The following AACS variants were observed in gnomAD, a reference collection of about 807,000 sequenced individuals.
AACS encodes the protein acetoacetate-CoA ligase.
Under a neutral mutation model 83.1 loss-of-function variants are expected in AACS, and 69 were observed. The ratio of observed to expected loss-of-function variants is 0.83; its 90% confidence interval spans 0.68 to 1.01. AACS has a LOEUF of 1.01. Ranked by LOEUF, AACS falls within the 50% of genes least tolerant of loss-of-function variation. AACS has a pLI of 0.00. For missense variants in AACS, 866 were observed against 882.2 expected (o/e 0.98, Z 0.23); for synonymous variants, 333 against 343.4 (o/e 0.97, Z 0.33).
rs73423537 is a variant in AACS at position 125,113,910 on chromosome 12, C to T, written c.916-567C>T. 0.018 allele frequency among the ~76,000 whole-genome samples: 2,763 copies of T among 152,070 alleles called. 87 individuals carry two copies. The highest frequency in any genetic ancestry group is 0.062 in the African/African-American group (2,574 of 41,436). On this transcript the variant is annotated intron_variant, in intron 8 of 17. Coordinates refer to ENST00000316519, the MANE Select transcript of AACS (RefSeq NM_023928.5). This position sits in a 1 kb window ranked among gnomAD's most constrained non-coding sequence, Gnocchi z 4.8. ...ATAGGGCATAGTGGGTGGGAGGGAG[C>T]GGTTCTGCTTGGGTGTTTTAGCCAG...
chr12:125,114,434 A>G (rs1298485151), intron 8 of AACS, 43 bp from the exon 9 acceptor site: 1 of 1,557,576 alleles, frequency 6.4e-7, no homozygotes, highest in East Asian at 2.3e-5. Flanking sequence ...CTGGTACTGT[A>G]TGCCTAACAG....
At chr12:125,082,425 C>T (rs1956214908) in intron 3 of AACS, among the ~76,000 whole-genome samples, 2 of 150,762 alleles carry the variant, frequency 1.3e-5, no homozygotes, top group African/African-American at 4.9e-5. Flanking sequence ...ATCCTCCCAT[C>T]TCAGCCTCCC....
intron 4 of AACS, among the ~76,000 whole-genome samples, chr12:125,089,588 A>G (rs1592959040): frequency 6.6e-6 from 1 of 152,220 alleles, no homozygotes; most frequent in East Asian, 1.9e-4. Context: ...TCTGCCCCTT[A>G]TAGGCTTGAA....
intron 3 of AACS, 129 bp from the exon 4 acceptor site, chr12:125,086,201 G>C (rs1956335412): frequency 2.7e-6 from 2 of 731,186 alleles, no homozygotes; most frequent in Non-Finnish European, 4.6e-6. Flanking sequence ...TGTGTTCCCT[G>C]CGTCTGTTTT....
intron 3 of AACS, among the ~76,000 whole-genome samples, chr12:125,085,393 C>T (rs115650624): frequency 0.034 from 5,145 of 152,242 alleles, 275 homozygotes; most frequent in African/African-American, 0.12. Context: ...ACATCTGTTT[C>T]GTGGAACCAC....
chr12:125,106,962 T>A (rs1956846037), intron 7 of AACS, among the ~76,000 whole-genome samples, 159 bp from the exon 8 acceptor site: 1 of 152,178 alleles, frequency 6.6e-6, no homozygotes. Context: ...TCTAACTGCC[T>A]CCCCTGGTCC....
chr12:125,111,106 G>T (rs550530566), intron 8 of AACS, among the ~76,000 whole-genome samples: 4 of 152,324 alleles, frequency 2.6e-5, no homozygotes, highest in South Asian at 4.1e-4. Context: ...CTGGCTCAAC[G>T]GAGTTGCCTC....
rs768011156 is a variant in AACS at position 125,124,945 on chromosome 12, T to C, written c.1230T>C (p.Thr410=). ...AGATGCTCCACACGATCCTGTCCAC[T>C]GGCTCCCCACTGAAAGCCCAGAGCT... is the stretch of plus-strand genomic sequence containing the variant. ...SLQMLHTILS[T]GSPLKAQSYE... The change falls in exon 12 of 18, where the codon ACT becomes ACC. Residue 410 remains threonine (T), a synonymous_variant. Transcript: ENST00000316519. 1 of 1,614,120 alleles carries C rather than the reference T, an allele frequency of 6.2e-7. No individual in the cohort carries two copies. Among genetic ancestry groups the C allele is most frequent in the Non-Finnish European group, 8.5e-7 (1 of 1,180,052 alleles).
rs1013646110 is a variant in AACS at position 125,142,266 on chromosome 12, G to A, written c.*37G>A. On this transcript the variant is annotated 3_prime_UTR_variant, in exon 18 of 18. Coordinates refer to ENST00000316519, the MANE Select transcript of AACS (RefSeq NM_023928.5). ...TGGCGTGTCACTCAGCCGCACCCGT[G>A]TGCACTGTAACTTTTGTGTGCTCAA... 1.2e-6 allele frequency: 2 copies of A among 1,603,704 alleles called. No homozygotes were observed. Among genetic ancestry groups the A allele is most frequent in the African/African-American group, 1.3e-5 (1 of 74,390 alleles).
At chr12:125,131,012 T>TG (rs1335643494) in intron 14 of AACS, among the ~76,000 whole-genome samples, 2 of 152,182 alleles carry the variant, frequency 1.3e-5, no homozygotes, top group African/African-American at 4.8e-5. Flanking sequence ...GTATAGGAAA[T>TG]GGCGTGATGG....
chr12:125,142,480 G>A lies in AACS; in HGVS notation c.*251G>A, dbSNP rs1364886548. 3 of 525,256 alleles carry A rather than the reference G, an allele frequency of 5.7e-6. No homozygotes were observed. In the East Asian group the frequency reaches 1.0e-4, roughly 18 times the overall value. 32.5% of individuals were successfully genotyped at this position (525,256 alleles called of 1,614,324 possible). A position where few individuals can be genotyped will look rare whatever the true frequency, so the allele number is the denominator to read the frequency against. On this transcript the variant is annotated 3_prime_UTR_variant, in exon 18 of 18. Coordinates refer to ENST00000316519, the MANE Select transcript of AACS (RefSeq NM_023928.5). ...CCGCAGGTGTGGCACTGTGGTGAGA[G>A]TGTGTGTCTTTGCACACACAGTGCA...
intron 17 of AACS, among the ~76,000 whole-genome samples, chr12:125,137,336 C>T (rs1015143510): frequency 1.3e-5 from 2 of 152,224 alleles, no homozygotes; most frequent in African/African-American, 4.8e-5. Context: ...CACATGCCAG[C>T]ATGCCTGGCT....
At chr12:125,126,045 C>T (rs900249975) in intron 12 of AACS, 4 of 151,762 alleles carry the variant, frequency 2.6e-5, no homozygotes, top group Admixed American at 1.3e-4. Flanking sequence ...GCAACCTCTA[C>T]CTTCTGGGTT....
At chr12:125,122,315 G>C (rs1458623743) in intron 10 of AACS, 1 of 152,136 alleles carries the variant, frequency 6.6e-6, no homozygotes, top group Non-Finnish European at 1.5e-5. Context: ...TGAATCAGGA[G>C]AACACTGATC....
chr12:125,142,036 C>T lies in AACS; in HGVS notation c.1882-56C>T, dbSNP rs556463580. ...TGGGGCCTGGATATATCCAGGGCTGCGGATTTTCCCCCCTTCAGGTTTAAA... is the reference window on the plus strand; with the variant it reads ...TGGGGCCTGGATATATCCAGGGCTGTGGATTTTCCCCCCTTCAGGTTTAAA... On this transcript the variant is annotated intron_variant, in intron 17 of 17. Coordinates refer to ENST00000316519, the MANE Select transcript of AACS (RefSeq NM_023928.5). The T allele has an allele frequency of 2.9e-4, 459 of 1,605,666 alleles. 1 individual carries two copies. In the African/African-American group the frequency reaches 5.5e-3, roughly 19 times the overall value.
intron 4 of AACS, among the ~76,000 whole-genome samples, chr12:125,086,900 A>C: frequency 6.6e-6 from 1 of 152,034 alleles, no homozygotes; most frequent in Non-Finnish European, 1.5e-5. Flanking sequence ...TTAGCCCTGC[A>C]GTGAGGCAGG....
intron 8 of AACS, among the ~76,000 whole-genome samples, chr12:125,110,237 GTGTGTGTGTGTGTT>G (rs1956926445): frequency 1.6e-5 from 2 of 121,336 alleles, no homozygotes; most frequent in Non-Finnish European, 1.8e-5. Context: ...GTGTGTGTGT[GTGTGTGTGTGTGTT>G]TAGTAGAGAC....
chr12:125,088,034 TC>T (rs1325850224), intron 4 of AACS, among the ~76,000 whole-genome samples: 1 of 152,074 alleles, frequency 6.6e-6, no homozygotes, highest in Non-Finnish European at 1.5e-5. Flanking sequence ...TTCATCATAG[TC>T]CTCATGGCTC....
At chr12:125,087,575 A>G (rs1218969035) in intron 4 of AACS, among the ~76,000 whole-genome samples, 1 of 152,104 alleles carries the variant, frequency 6.6e-6, no homozygotes, top group Non-Finnish European at 1.5e-5. Flanking sequence ...TCGGACAAGG[A>G]CCACAGGGGG....
Sources: gnomAD v4.1 joint callset for allele counts (sites outside exome capture counted in the v4.1 genomes callset) on GRCh38, gnomAD v4.1.1 for gene constraint, Gnocchi (gnomAD v3.1) non-coding constraint, MANE v1.5 for transcripts, NCBI Gene and HGNC (gene_info 2026-07-23, HGNC 2026-07-21) for gene names.